ASPH: variants seen among roughly 807,000 people sequenced by gnomAD.
ASPH encodes the protein aspartate beta-hydroxylase.
In ASPH, 100 loss-of-function variants were observed where a neutral mutation model predicts 118.4. The observed-to-expected ratio is 0.84, with a 90% confidence interval of 0.72 to 1.00. ASPH has a LOEUF of 1.00. ASPH is among the 50% of genes least tolerant of loss of function. The pLI is 0.00. For missense variants in ASPH, 920 were observed against 919.5 expected, an observed-to-expected ratio of 1.00 and a Z score of -0.01; for synonymous variants, 315 against 325.6, an observed-to-expected ratio of 0.97 and a Z score of 0.35.
At chr8:61,639,680 G>A (rs1375095134) in intron 10 of ASPH, among the ~76,000 whole-genome samples, 1 of 152,102 alleles carries the variant, frequency 6.6e-6, no homozygotes, top group Non-Finnish European at 1.5e-5. Flanking sequence ...CTACTCTGAT[G>A]GTTCCCACAC....
At chr8:61,603,141 C>T (rs571468831) in intron 14 of ASPH, among the ~76,000 whole-genome samples, 1 of 138,356 alleles carries the variant, frequency 7.2e-6, no homozygotes, top group East Asian at 2.1e-4. Context: ...TGCAGTGAGC[C>T]GAGATCGCAC....
rs150783572 is a variant in ASPH at position 61,534,383 on chromosome 8, G to A, written c.1765-8271C>T. Among the ~76,000 whole-genome samples the A allele has an allele frequency of 4.3e-3, 651 of 151,936 alleles. 2 individuals carry two copies. The highest frequency in any genetic ancestry group is 0.014 in the African/African-American group (571 of 41,414). ...GCTTAGAAAGAAAATCCTATTAGCC[G>A]GCAAAACCCCTTATTAGTCTTTCAA... is the stretch of plus-strand genomic sequence containing the variant. On this transcript the variant is annotated intron_variant, in intron 21 of 24. Transcript: ENST00000379454.
At chr8:61,553,170 C>T (rs754583918) in intron 19 of ASPH, 50 bp from the exon 20 acceptor site, 1 of 1,379,638 alleles carries the variant, frequency 7.2e-7, no homozygotes, top group Non-Finnish European at 1.0e-6. Flanking sequence ...ATACCAGATT[C>T]CATTAATTGA....
intron 24 of ASPH, among the ~76,000 whole-genome samples, chr8:61,509,691 G>T (rs965216768): frequency 6.6e-6 from 1 of 152,114 alleles, no homozygotes; most frequent in Non-Finnish European, 1.5e-5. Flanking sequence ...AGCTGCTCTG[G>T]TTCAAATGCC....
chr8:61,515,139 A>G (rs1317791883), intron 24 of ASPH, among the ~76,000 whole-genome samples: 1 of 152,162 alleles, frequency 6.6e-6, no homozygotes, highest in Non-Finnish European at 1.5e-5. Flanking sequence ...TAAAAGCCTA[A>G]GAAGCACTGA....
Position 61,567,243 on chromosome 8 carries a change from C to T in ASPH, c.1225G>A (p.Ala409Thr). 1.9e-6 allele frequency: 3 copies of T among 1,614,088 alleles called. No individual in the cohort carries two copies. Among genetic ancestry groups the T allele is most frequent in the South Asian group, 2.2e-5 (2 of 91,076 alleles). ...RGAIETYQEV[A>T]SLPDVPADLL... ...TCTGCAGGGACATCAGGTAGGCTGG[C>T]CACCTCTTGGTAGGTCTCGATGGCT... Residue 409 changes from alanine (A) to threonine (T), a missense_variant, in exon 17 of 25, where the codon GCC (alanine) becomes ACC (threonine). Ala to Thr is a moderately conservative substitution (Grantham distance 58, BLOSUM62 0). Transcript: ENST00000379454.
chr8:61,670,097 C>CTTTTTT, intron 3 of ASPH, among the ~76,000 whole-genome samples: 1 of 151,500 alleles, frequency 6.6e-6, no homozygotes, highest in South Asian at 2.1e-4. Context: ...ATAAAAAGGA[C>CTTTTTT]CAAGCTAATA....
At chr8:61,659,922 A>G (rs1322923911) in intron 3 of ASPH, 1 of 152,012 alleles carries the variant, frequency 6.6e-6, no homozygotes, top group Non-Finnish European at 1.5e-5. Context: ...ATGGTCTAAA[A>G]CTATTGTTGA....
At position 61,502,128 on chromosome 8, in the gene ASPH, C is replaced by T. The variant is rs1417573929; in HGVS notation, c.*1231G>A. 1 of 152,088 alleles carries T rather than the reference C, an allele frequency of 6.6e-6. No homozygotes were observed. The highest frequency in any genetic ancestry group is 1.5e-5 in the Non-Finnish European group (1 of 68,012). The allele number at this position is 152,088 out of a possible 1,614,324, so 9.4% of individuals were successfully genotyped here. ...GCAAGACGATTTTTACCTATTATTT[C>T]TATGTTGTGGGTAATGTTAAAACTA... On this transcript the variant is annotated 3_prime_UTR_variant, in exon 25 of 25. Coordinates refer to ENST00000379454, the MANE Select transcript of ASPH (RefSeq NM_004318.4).
chr8:61,600,831 GTGGT>G (rs1843758453), intron 14 of ASPH, among the ~76,000 whole-genome samples: 1 of 151,256 alleles, frequency 6.6e-6, no homozygotes, highest in African/African-American at 2.5e-5. Flanking sequence ...AGCCAGCTAT[GTGGT>G]AACTCAATAA....
intron 22 of ASPH, among the ~76,000 whole-genome samples, chr8:61,519,434 C>T (rs1400049727): frequency 1.3e-5 from 2 of 152,118 alleles, no homozygotes; most frequent in Non-Finnish European, 2.9e-5. Context: ...CCATAACATT[C>T]AAATTCACGT....
At chr8:61,571,089 T>C (rs569773785) in intron 16 of ASPH, among the ~76,000 whole-genome samples, 1 of 152,332 alleles carries the variant, frequency 6.6e-6, no homozygotes, top group African/African-American at 2.4e-5. Flanking sequence ...AGTCATAATT[T>C]CTTCCTATAA....
At chr8:61,628,326 T>A in intron 13 of ASPH, 1 of 22,590 alleles carries the variant, frequency 4.4e-5, no homozygotes, top group East Asian at 1.5e-3. Flanking sequence ...AGCCCGGCTT[T>A]TTTTTTTTTT....
At chr8:61,584,807 C>T (rs577995799) in intron 14 of ASPH, among the ~76,000 whole-genome samples, 9 of 152,220 alleles carry the variant, frequency 5.9e-5, no homozygotes, top group Non-Finnish European at 1.0e-4. Flanking sequence ...CTGTGCCCAA[C>T]CTGTGCCATT....
At chr8:61,627,194 A>G (rs529814761) in intron 13 of ASPH, among the ~76,000 whole-genome samples, 15 of 152,336 alleles carry the variant, frequency 9.8e-5, no homozygotes, top group East Asian at 5.8e-4. Context: ...ATAGTCAACA[A>G]TTGAGGGAAA....
chr8:61,607,572 C>T (rs556681539), intron 14 of ASPH, among the ~76,000 whole-genome samples: 1 of 151,548 alleles, frequency 6.6e-6, no homozygotes, highest in African/African-American at 2.4e-5. Context: ...GAAAGAAGTA[C>T]TGTTATGCCC....
chr8:61,543,891 GTA>G lies in ASPH; in HGVS notation c.1764+4178_1764+4179del, dbSNP rs1194039494. Among the ~76,000 whole-genome samples the G allele has an allele frequency of 2.0e-5, 3 of 152,116 alleles. No homozygotes were observed. In the East Asian group the frequency reaches 5.8e-4, roughly 29 times the overall value. ...TTACCTGTAGTTGCTCTGGGCACTTGTAATGTTAAAAAAAATACCTGCCAATA... is the reference window on the plus strand; with the variant it reads ...TTACCTGTAGTTGCTCTGGGCACTTGATGTTAAAAAAAATACCTGCCAATA... On this transcript the variant is annotated intron_variant, in intron 21 of 24. Transcript: ENST00000379454.
chr8:61,642,760 G>A (rs934100060), intron 10 of ASPH, 128 bp downstream of exon 10: 30 of 744,760 alleles, frequency 4.0e-5, no homozygotes, highest in Admixed American at 7.5e-5. Context: ...CAAGAGAATC[G>A]CTTGTACCCA....
chr8:61,521,351 T>G (rs943380762), intron 22 of ASPH, among the ~76,000 whole-genome samples: 7 of 152,212 alleles, frequency 4.6e-5, no homozygotes, highest in African/African-American at 1.7e-4. Context: ...TATCATATAT[T>G]GGATAACTGT....
Sources: allele counts gnomAD v4.1 joint callset (sites outside exome capture counted in the v4.1 genomes callset), GRCh38; gene constraint gnomAD v4.1.1; transcripts MANE v1.5; gene names NCBI Gene and HGNC (gene_info 2026-07-23, HGNC 2026-07-21).